LRRN2: variants seen among roughly 807,000 people sequenced by gnomAD.
LRRN2 encodes the protein leucine-rich repeat neuronal protein 2.
In LRRN2, 10 loss-of-function variants were observed where a neutral mutation model predicts 35.7. The observed-to-expected ratio is 0.28, with a 90% CI of 0.17 to 0.47. The LOEUF (loss-of-function observed/expected upper bound fraction) is 0.47, where lower values mean the gene tolerates loss of function less well. LRRN2 is among the 20% of genes least tolerant of loss of function. The pLI is 0.99. For missense variants in LRRN2, 731 were observed against 940.3 expected (o/e 0.78, Z 2.91); for synonymous variants, 391 against 409.6 (o/e 0.95, Z 0.55).
chr1:204,675,686 C>T (rs1668811118), intron 1 of LRRN2, among the ~76,000 whole-genome samples: 1 of 152,216 alleles, frequency 6.6e-6, no homozygotes, highest in African/African-American at 2.4e-5. Context: ...TCTTCTTTCT[C>T]CCTTGTCATG....
intron 1 of LRRN2, among the ~76,000 whole-genome samples, chr1:204,643,221 A>G (rs1668021444): frequency 2.0e-5 from 3 of 152,324 alleles, no homozygotes; most frequent in Non-Finnish European, 1.5e-5. Context: ...GAAACTATGT[A>G]TTTTATAAAT....
intron 1 of LRRN2, among the ~76,000 whole-genome samples, chr1:204,656,827 G>A (rs1427905860): frequency 6.6e-6 from 1 of 152,144 alleles, no homozygotes; most frequent in Non-Finnish European, 1.5e-5. Flanking sequence ...AAAATGTTGT[G>A]TCTTTGTGAG....
chr1:204,675,766 C>T (rs1668812388), intron 1 of LRRN2, among the ~76,000 whole-genome samples: 1 of 152,240 alleles, frequency 6.6e-6, no homozygotes, highest in African/African-American at 2.4e-5. Context: ...ATTCTGCCTA[C>T]CATACATTGA....
At chr1:204,672,148 TTGC>T (rs1668728011) in intron 1 of LRRN2, among the ~76,000 whole-genome samples, 1 of 152,222 alleles carries the variant, frequency 6.6e-6, no homozygotes, top group Non-Finnish European at 1.5e-5. Flanking sequence ...TTACATTCTC[TTGC>T]ACATGAAGTA....
chr1:204,629,873 ATCT>A (rs1667635620), intron 1 of LRRN2, among the ~76,000 whole-genome samples: 1 of 152,184 alleles, frequency 6.6e-6, no homozygotes, highest in Admixed American at 6.5e-5. Context: ...CAAATACCAC[ATCT>A]TCTCATTTAT....
At chr1:204,673,952 A>C (rs974065565) in intron 1 of LRRN2, among the ~76,000 whole-genome samples, 1 of 152,100 alleles carries the variant, frequency 6.6e-6, no homozygotes, top group Non-Finnish European at 1.5e-5. Flanking sequence ...TCCTGGGCCC[A>C]GGTACCCTTT....
At chr1:204,657,608 G>A (rs1364458138) in intron 1 of LRRN2, among the ~76,000 whole-genome samples, 1 of 152,062 alleles carries the variant, frequency 6.6e-6, no homozygotes, top group Non-Finnish European at 1.5e-5. Flanking sequence ...CTGCTGATGG[G>A]TATGGAGTTT....
chr1:204,681,187 C>T (rs1420357811), intron 1 of LRRN2, among the ~76,000 whole-genome samples: 2 of 152,090 alleles, frequency 1.3e-5, no homozygotes, highest in African/African-American at 4.8e-5. Flanking sequence ...GAACTCCTGA[C>T]CTCATGTGAT....
At position 204,618,089 on chromosome 1, in the gene LRRN2, A is replaced by C. The variant is rs1288856917; in HGVS notation, c.1904T>G (p.Leu635Arg). Residue 635 changes from leucine to arginine, a missense_variant, in exon 2 of 2, where the codon CTG becomes CGG. Physicochemically the swap from Leu to Arg is moderately radical, Grantham distance 102. Around this residue, in one of 3 missense-constraint regions of LRRN2, gnomAD observed 229 missense variants for 258.4 expected, o/e 0.89. Transcript: ENST00000367177. ...LGDRPGLIAI[L>R]ALAVLLLAAG... ...TGCCAGGAGAAGGACAGCGAGAGCC[A>C]GGATGGCAATGAGCCCAGGACGGTC... 2 of 1,614,064 alleles carry C rather than the reference A, an allele frequency of 1.2e-6. No homozygotes were observed. The highest frequency in any genetic ancestry group is 1.7e-5 in the Admixed American group (1 of 60,032).
At chr1:204,645,941 GT>G (rs1668096746) in intron 1 of LRRN2, among the ~76,000 whole-genome samples, 1 of 152,158 alleles carries the variant, frequency 6.6e-6, no homozygotes, top group African/African-American at 2.4e-5. Flanking sequence ...ACAATTCAAG[GT>G]GATATTTGGG....
intron 1 of LRRN2, among the ~76,000 whole-genome samples, chr1:204,667,581 T>C (rs1668600822): frequency 6.6e-6 from 1 of 151,904 alleles, no homozygotes; most frequent in Non-Finnish European, 1.5e-5. Flanking sequence ...TTTTGAGGAG[T>C]TGCTAATCCA....
chr1:204,643,821 G>A (rs376105446), intron 1 of LRRN2, among the ~76,000 whole-genome samples: 5 of 152,058 alleles, frequency 3.3e-5, no homozygotes, highest in Admixed American at 2.0e-4. Context: ...CCAAATGCTC[G>A]GCACCACAAA....
In LRRN2 at chr1:204,678,474, G is replaced by A. The variant is rs112738327; in HGVS notation, c.-227+6846C>T. Among the ~76,000 whole-genome samples the A allele has an allele frequency of 4.6e-3, 698 of 152,176 alleles. 9 individuals are homozygous for A. Among genetic ancestry groups the A allele is most frequent in the African/African-American group, 0.016 (678 of 41,510 alleles). ...TGGTGTTAAAAAGTCAAATCATGCC[G>A]CCCCAGGCTCCAACCCTGCAAGAGC... On this transcript the variant is annotated intron_variant, in intron 1 of 1. Coordinates refer to ENST00000367177, the MANE Select transcript of LRRN2 (RefSeq NM_201630.2).
chr1:204,669,334 C>G (rs1208286173), intron 1 of LRRN2, among the ~76,000 whole-genome samples: 1 of 152,134 alleles, frequency 6.6e-6, no homozygotes, highest in African/African-American at 2.4e-5. Flanking sequence ...TTTCATGGAT[C>G]CTTTTTGTAT....
chr1:204,660,111 T>G (rs1668439265), intron 1 of LRRN2, among the ~76,000 whole-genome samples: 1 of 152,216 alleles, frequency 6.6e-6, no homozygotes, highest in South Asian at 2.1e-4. Flanking sequence ...CAAGGCTGCT[T>G]CTTCCTGGTC....
At chr1:204,643,176 G>A (rs1346578306) in intron 1 of LRRN2, among the ~76,000 whole-genome samples, 1 of 152,142 alleles carries the variant, frequency 6.6e-6, no homozygotes, top group Non-Finnish European at 1.5e-5. Flanking sequence ...AGGAGCTTAC[G>A]AACAGAGAAG....
chr1:204,658,910 A>G lies in LRRN2; in HGVS notation c.-227+26410T>C, dbSNP rs115386417. Among the ~76,000 whole-genome samples, 317 of 152,306 alleles carry G rather than the reference A, an allele frequency of 2.1e-3. 2 individuals are homozygous for G. Among genetic ancestry groups the G allele is most frequent in the African/African-American group, 7.3e-3 (302 of 41,558 alleles). On this transcript the variant is annotated intron_variant, in intron 1 of 1. Transcript: ENST00000367177. ...AAAGCACCAGAGATGTTAGTCCATC[A>G]TGTTTAAACAGAAGTCCCTCCTTGC... is the stretch of plus-strand genomic sequence containing the variant.
In LRRN2 at chr1:204,656,888, G is replaced by A. The variant is rs182172216; in HGVS notation, c.-227+28432C>T. 5.9e-5 allele frequency among the ~76,000 whole-genome samples: 9 copies of A among 152,266 alleles called. No homozygotes were observed. In the East Asian group the frequency reaches 1.7e-3, roughly 29 times the overall value. On this transcript the variant is annotated intron_variant, in intron 1 of 1. Transcript: ENST00000367177. ...GGCACCTAATGGATCCTCGCCATCT[G>A]CAAAGTAATCATCTTCATTGAAGGA...
chr1:204,617,544 G>A lies in LRRN2; in HGVS notation c.*307C>T, dbSNP rs1018864452. ...GGGGACACAGGTAGGGGACAGCCAAGCCAGGCCCAGGAGCCTCTGGGCAGA... is the reference window on the plus strand; with the variant it reads ...GGGGACACAGGTAGGGGACAGCCAAACCAGGCCCAGGAGCCTCTGGGCAGA... On this transcript the variant is annotated 3_prime_UTR_variant, in exon 2 of 2. Coordinates refer to ENST00000367177, the MANE Select transcript of LRRN2 (RefSeq NM_201630.2). 2.6e-6 allele frequency: 1 copy of A among 381,658 alleles called. No individual in the cohort carries two copies. The highest frequency in any genetic ancestry group is 2.1e-5 in the African/African-American group (1 of 48,022). The allele number at this position is 381,658 out of a possible 1,614,324, so 23.6% of individuals were successfully genotyped here.
Sources: allele counts gnomAD v4.1 joint callset (sites outside exome capture counted in the v4.1 genomes callset), GRCh38; gene constraint gnomAD v4.1.1; regional missense constraint gnomAD v4.1.1; transcripts MANE v1.5; gene names NCBI Gene and HGNC (gene_info 2026-07-23, HGNC 2026-07-21).